PUDP: variants seen among roughly 807,000 people sequenced by gnomAD.
PUDP encodes pseudouridine 5'-phosphatase, also known as pseudouridine-5'-phosphatase.
In PUDP, 8 loss-of-function variants were observed where a neutral mutation model predicts 9.4. The ratio of observed to expected loss-of-function variants is 0.85; its 90% CI spans 0.50 to 1.53. The LOEUF (loss-of-function observed/expected upper bound fraction) is 1.53, where lower values mean the gene tolerates loss of function less well. Ranked by LOEUF, PUDP falls within the 40% of genes most tolerant of loss-of-function variation. The pLI is 0.00. For synonymous variants in PUDP, 99 were observed against 80.7 expected (o/e 1.23, Z -1.22); for missense variants, 188 against 189.7 (o/e 0.99, Z 0.05).
chrX:7,113,971 G>T (rs1385553831), intron 1 of PUDP, among the ~76,000 whole-genome samples: 1 of 111,613 alleles, frequency 9.0e-6, no homozygotes, highest in Non-Finnish European at 1.9e-5. Flanking sequence ...GGGCCTTCTT[G>T]CTGGTGGGGA....
At position 7,079,191 on chromosome X, in the gene PUDP, A is replaced by G. The variant is rs140484891; in HGVS notation, c.281-1742T>C. Reference sequence around the variant, plus strand: ...GAGCCAGGTTACTTACATTAATAACAAACAAGCCTTTAGAACAATGAATGA... The same window carrying G: ...GAGCCAGGTTACTTACATTAATAACGAACAAGCCTTTAGAACAATGAATGA... On this transcript the variant is annotated intron_variant, in intron 2 of 3. Coordinates refer to ENST00000381077, the MANE Select transcript of PUDP (RefSeq NM_012080.5). Among the ~76,000 whole-genome samples the G allele has an allele frequency of 2.6e-3, 292 of 112,850 alleles. 1 individual carries two copies. The highest frequency in any genetic ancestry group is 9.1e-3 in the African/African-American group (284 of 31,174).
chrX:6,871,487 G>A (rs1045991201), intron 3 of PUDP, among the ~76,000 whole-genome samples: 1 of 112,063 alleles, frequency 8.9e-6, no homozygotes, highest in Admixed American at 9.5e-5. Context: ...TTTGAAGGAT[G>A]TCAGCTATTC....
At chrX:6,716,312 T>C (rs1362980989) in intron 1 of PUDP, among the ~76,000 whole-genome samples, 1 of 111,506 alleles carries the variant, frequency 9.0e-6, no homozygotes, top group African/African-American at 3.3e-5. Flanking sequence ...TCTGTGCTGA[T>C]TATTTACTTT....
downstream of PUDP, among the ~76,000 whole-genome samples, chrX:7,045,682 A>G (rs189290106): frequency 9.8e-5 from 11 of 111,839 alleles, no homozygotes; most frequent in African/African-American, 3.3e-4. Flanking sequence ...TGAGAGGTTT[A>G]GCCATACATA....
intron 3 of PUDP, among the ~76,000 whole-genome samples, chrX:6,892,123 A>G (rs1927525610): frequency 8.9e-6 from 1 of 112,116 alleles, no homozygotes; most frequent in African/African-American, 3.2e-5. Flanking sequence ...TAAACAACAA[A>G]TGCATTTTTT....
intron 3 of PUDP, among the ~76,000 whole-genome samples, chrX:6,732,861 C>T (rs1280816148): frequency 9.0e-6 from 1 of 111,668 alleles, no homozygotes; most frequent in African/African-American, 3.3e-5. Context: ...ATTTTTCTTT[C>T]CTGCACTGTA....
chrX:6,906,890 C>T (rs922223217), intron 3 of PUDP, among the ~76,000 whole-genome samples: 2 of 111,657 alleles, frequency 1.8e-5, no homozygotes, highest in African/African-American at 6.5e-5. Context: ...CCAGCTCCTT[C>T]CTGCTTCTTG....
intron 3 of PUDP, among the ~76,000 whole-genome samples, chrX:6,932,814 T>A (rs1470559696): frequency 3.6e-5 from 4 of 111,637 alleles, no homozygotes; most frequent in Admixed American, 9.4e-5. Flanking sequence ...ACCACGAGAT[T>A]ATATCCCACA....
intron 3 of PUDP, among the ~76,000 whole-genome samples, chrX:6,850,335 T>C: frequency 8.9e-6 from 1 of 112,208 alleles, no homozygotes; most frequent in Middle Eastern, 4.6e-3. Flanking sequence ...GCTACATTTA[T>C]TTTAAAAAAT....
chrX:6,736,048 A>C (rs187678343), intron 3 of PUDP, among the ~76,000 whole-genome samples: 74 of 106,198 alleles, frequency 7.0e-4, no homozygotes, highest in African/African-American at 2.3e-3. Flanking sequence ...AAAAAAAAAG[A>C]AGCAAGAAAA....
chrX:7,131,783 G>A (rs941421992), intron 1 of PUDP, among the ~76,000 whole-genome samples: 2 of 105,522 alleles, frequency 1.9e-5, no homozygotes, highest in East Asian at 3.0e-4. Flanking sequence ...TGATGGCTAC[G>A]AGATAAAATG....
At chrX:7,146,100 A>G (rs753157592) in intron 1 of PUDP, among the ~76,000 whole-genome samples, 1 of 111,518 alleles carries the variant, frequency 9.0e-6, no homozygotes, top group South Asian at 3.8e-4. Context: ...AAGAAGAGGT[A>G]GGGCAGGAAA....
intron 3 of PUDP, among the ~76,000 whole-genome samples, chrX:6,734,903 A>T (rs1223369852): frequency 3.6e-5 from 4 of 112,089 alleles, no homozygotes; most frequent in Admixed American, 9.5e-5. Context: ...CAAATTACGT[A>T]TAGGAGGCCT....
At chrX:6,976,276 T>C (rs911811704) in intron 3 of PUDP, among the ~76,000 whole-genome samples, 3 of 111,637 alleles carry the variant, frequency 2.7e-5, no homozygotes, top group African/African-American at 6.5e-5. Flanking sequence ...GCTAGCTTGG[T>C]GTCTACCCAA....
intron 3 of PUDP, among the ~76,000 whole-genome samples, chrX:6,799,043 C>G (rs186896700): frequency 1.5e-4 from 17 of 112,575 alleles, no homozygotes; most frequent in African/African-American, 1.3e-4. Flanking sequence ...CCTCAGCCCC[C>G]CAAAGCTCTA....
chrX:6,865,794 A>G (rs1243847455), intron 3 of PUDP, among the ~76,000 whole-genome samples: 3 of 112,125 alleles, frequency 2.7e-5, no homozygotes, highest in African/African-American at 6.5e-5. Context: ...AAGCTAAAAA[A>G]AAAACAGATT....
chrX:6,737,436 C>T (rs1014442764), intron 3 of PUDP, among the ~76,000 whole-genome samples: 4 of 111,024 alleles, frequency 3.6e-5, no homozygotes, highest in Non-Finnish European at 5.7e-5. Flanking sequence ...GAGAAGGCAA[C>T]GTTTGAGCAA....
intron 1 of PUDP, chrX:6,721,302 A>G (rs1260495381): frequency 8.9e-6 from 1 of 112,312 alleles, no homozygotes; most frequent in Non-Finnish European, 1.9e-5. Flanking sequence ...GCAGAAAGCA[A>G]TCTGCTCATG....
In PUDP at chrX:7,016,430, T is replaced by A. The variant is rs760822385; in HGVS notation, c.205-38087A>T. Among the ~76,000 whole-genome samples, 152 of 111,337 alleles carry A rather than the reference T, an allele frequency of 1.4e-3. 2 individuals are homozygous for A. In the South Asian group the frequency reaches 0.057, roughly 42 times the overall value. On this transcript the variant is annotated intron_variant and NMD_transcript_variant, in intron 1 of 3. Coordinates refer to the PUDP transcript ENST00000655425. ...GGCCACTTGGAGATGCTCTCACTGATAGGCCTGTCATACACCTTTGGTGGG... is the reference window on the plus strand; with the variant it reads ...GGCCACTTGGAGATGCTCTCACTGAAAGGCCTGTCATACACCTTTGGTGGG...
Sources: gnomAD v4.1 joint callset for allele counts (sites outside exome capture counted in the v4.1 genomes callset) on GRCh38, gnomAD v4.1.1 for gene constraint, MANE v1.5 for transcripts, NCBI Gene and HGNC (gene_info 2026-07-23, HGNC 2026-07-21) for gene names.